Variants in GLB1L3 observed in about 807,000 individuals in gnomAD.
The protein encoded by GLB1L3 is beta-galactosidase-1-like protein 3.
GLB1L3 carries 89 observed loss-of-function variants against 89.5 expected under a neutral mutation model. That is an observed-to-expected ratio of 0.99 (90% confidence interval 0.84 to 1.19). The LOEUF is 1.19. Ranked by LOEUF, GLB1L3 falls within the 50% of genes most tolerant of loss-of-function variation. The pLI is 0.00. For missense variants in GLB1L3, 812 were observed against 813.3 expected, an observed-to-expected ratio of 1.00 and a Z score of 0.02; for synonymous variants, 314 against 312.3, an observed-to-expected ratio of 1.01 and a Z score of -0.06.
intron 5 of GLB1L3, among the ~76,000 whole-genome samples, chr11:134,282,361 C>T (rs1940746100): frequency 6.6e-6 from 1 of 152,046 alleles, no homozygotes; most frequent in Admixed American, 6.6e-5. Context: ...GACGTTGGTC[C>T]TGGGGCCTTG....
intron 6 of GLB1L3, chr11:134,287,116 G>C (rs1261034255): frequency 6.6e-6 from 1 of 152,106 alleles, no homozygotes; most frequent in Non-Finnish European, 1.5e-5. Context: ...AGCCAAGATG[G>C]CGCCACCGCA....
rs374485962 is a variant in GLB1L3, at chr11:134,312,391, A to G, written c.1330A>G (p.Ile444Val). Reference protein sequence around the residue: ...RQPVNMENLPINNGSGQSYGL... With the variant: ...RQPVNMENLPVNNGSGQSYGL... ...GCCCGTCAACATGGAGAACCTTCCC[A>G]TAAACAATGGGAGCGGCCAGTCCTA... Residue 444 changes from isoleucine to valine, a missense_variant, in exon 14 of 20, where the codon ATA becomes GTA. Around this residue, in one of 3 missense-constraint regions of GLB1L3, gnomAD observed 618 missense variants for 604.0 expected, o/e 1.02. Transcript: ENST00000431683. 18 of 1,613,826 alleles carry G rather than the reference A, an allele frequency of 1.1e-5. No homozygotes were observed. In the African/African-American group the frequency reaches 2.3e-4, roughly 20 times the overall value.
chr11:134,278,099 CA>C (rs1424091047), intron 3 of GLB1L3, among the ~76,000 whole-genome samples, 187 bp downstream of exon 3: 1 of 152,102 alleles, frequency 6.6e-6, no homozygotes, highest in African/African-American at 2.4e-5. Context: ...GCTCTGTGAT[CA>C]AAGACTTGGA....
Position 134,277,682 on chromosome 11 carries a change from C to G in GLB1L3, c.150-18C>G. ...CTCTCTCCCTTTCCACTTTCTTTCC[C>G]TCGCCCGCCCCCTCCAGGTTTAATT... On this transcript the variant is annotated intron_variant, in intron 2 of 19. Coordinates refer to ENST00000431683, the MANE Select transcript of GLB1L3 (RefSeq NM_001080407.3). 1 of 1,590,828 alleles carries G rather than the reference C, an allele frequency of 6.3e-7. No individual in the cohort carries two copies. Among genetic ancestry groups the G allele is most frequent in the African/African-American group, 1.3e-5 (1 of 74,386 alleles).
intron 10 of GLB1L3, among the ~76,000 whole-genome samples, chr11:134,308,556 TCACCACCACCAC>T (rs199930926): frequency 5.2e-5 from 3 of 57,518 alleles, no homozygotes; most frequent in African/African-American, 2.9e-4. Flanking sequence ...ACCATCACCA[TCACCACCACCAC>T]CACCATCACC....
rs777482420 is a variant in GLB1L3, at chr11:134,311,112, C to T, written c.1229C>T (p.Pro410Leu). 2 of 1,613,876 alleles carry T rather than the reference C, an allele frequency of 1.2e-6. No homozygotes were observed. The highest frequency in any genetic ancestry group is 1.7e-6 in the Non-Finnish European group (2 of 1,179,848). Residue 410 changes from proline to leucine, a missense_variant, in exon 13 of 20, where the codon CCC becomes CTC. By Grantham distance (98) the Pro-to-Leu change is moderately conservative. Coordinates refer to ENST00000431683, the MANE Select transcript of GLB1L3 (RefSeq NM_001080407.3). Reference protein sequence around the residue: ...VPKLPPKAVYPPVRPSLYLPL... With the variant: ...VPKLPPKAVYLPVRPSLYLPL... ...AAACTTCCTCCCAAGGCTGTGTATC[C>T]CCCCGTGAGACCGTCGCTGTACCTC...
chr11:134,285,749 G>A (rs566063658), intron 6 of GLB1L3, among the ~76,000 whole-genome samples: 15 of 152,262 alleles, frequency 9.9e-5, no homozygotes, highest in African/African-American at 3.6e-4. Flanking sequence ...TCCAGCCTGG[G>A]TGACAGAGCA....
rs192482533 is a variant in GLB1L3 at position 134,312,466 on chromosome 11, G to C, written c.1405G>C (p.Ala469Pro). ...KSICSGGRLR[A>P]HAHDVAQVFL... is the part of the protein sequence containing the mutation. ...CATCTGCTCCGGAGGCCGCCTCCGTGCCCACGCTCATGACGTGGCACAGGT... is the reference window on the plus strand; with the variant it reads ...CATCTGCTCCGGAGGCCGCCTCCGTCCCCACGCTCATGACGTGGCACAGGT... Residue 469 changes from alanine to proline, a missense_variant, in exon 14 of 20, where the codon GCC becomes CCC. By Grantham distance (27) the Ala-to-Pro change is conservative. Around this residue, in one of 3 missense-constraint regions of GLB1L3, gnomAD observed 618 missense variants for 604.0 expected, o/e 1.02. Coordinates refer to ENST00000431683, the MANE Select transcript of GLB1L3 (RefSeq NM_001080407.3). The C allele has an allele frequency of 2.7e-3, 4,354 of 1,612,874 alleles. 18 individuals carry two copies. The highest frequency in any genetic ancestry group is 3.4e-3 in the Non-Finnish European group (4,062 of 1,179,862).
At chr11:134,313,567 G>C in intron 16 of GLB1L3, 93 bp downstream of exon 16, 1 of 1,090,140 alleles carries the variant, frequency 9.2e-7, no homozygotes, top group Non-Finnish European at 1.4e-6. Context: ...GGGGAAACCA[G>C]CCGCTCAGCA....
intron 7 of GLB1L3, among the ~76,000 whole-genome samples, chr11:134,290,246 G>C (rs746987798): frequency 6.7e-6 from 1 of 149,732 alleles, no homozygotes; most frequent in Non-Finnish European, 1.5e-5. Flanking sequence ...TATTTAATCG[G>C]TTGTGTTCAG....
intron 7 of GLB1L3, among the ~76,000 whole-genome samples, chr11:134,289,157 A>G (rs1146196): frequency 0.45 from 69,114 of 152,004 alleles, 16,079 homozygotes; most frequent in Non-Finnish European, 0.49. Flanking sequence ...CAGGTTTTGT[A>G]TATCTATTAT....
chr11:134,298,059 ATTC>A (rs1488306380), intron 9 of GLB1L3, among the ~76,000 whole-genome samples: 2 of 151,184 alleles, frequency 1.3e-5, no homozygotes, highest in African/African-American at 4.9e-5. Context: ...GTCAGTATTA[ATTC>A]TTATCTTTTT....
In GLB1L3 at chr11:134,304,986, G is replaced by A. The variant is rs1441704210; in HGVS notation, c.877-2138G>A. The A allele has an allele frequency of 4.6e-6, 4 of 862,280 alleles. No individual in the cohort carries two copies. In the African/African-American group the frequency reaches 5.1e-5, roughly 11 times the overall value. The allele number at this position is 862,280 out of a possible 1,614,324, so 53.4% of individuals were successfully genotyped here. Reference sequence around the variant, plus strand: ...GGACTCAAGAGAAGTTGCTGTGAGAGCCCGCATGCGACTGCGCTAACAATG... The same window carrying A: ...GGACTCAAGAGAAGTTGCTGTGAGAACCCGCATGCGACTGCGCTAACAATG... On this transcript the variant is annotated intron_variant, in intron 9 of 19. Transcript: ENST00000431683.
In GLB1L3 at chr11:134,288,742, C is replaced by T. The variant is rs1027020170; in HGVS notation, c.637-56C>T. On this transcript the variant is annotated intron_variant, in intron 6 of 19. Coordinates refer to ENST00000431683, the MANE Select transcript of GLB1L3 (RefSeq NM_001080407.3). ...GCCTTCGGCAGCAAGCTCAGAGACTCCAGGCTTTTGCCCCAAATAGCCTCA... is the reference window on the plus strand; with the variant it reads ...GCCTTCGGCAGCAAGCTCAGAGACTTCAGGCTTTTGCCCCAAATAGCCTCA... 3.0e-6 allele frequency: 4 copies of T among 1,328,234 alleles called. No individual in the cohort carries two copies. In the African/African-American group the frequency reaches 5.8e-5, roughly 19 times the overall value. 82.3% of individuals were successfully genotyped at this position (1,328,234 alleles called of 1,614,324 possible).
At chr11:134,286,302 A>G (rs960063127) in intron 6 of GLB1L3, among the ~76,000 whole-genome samples, 1 of 152,216 alleles carries the variant, frequency 6.6e-6, no homozygotes, top group African/African-American at 2.4e-5. Context: ...GTGTTGCTGC[A>G]ATACAGTTTT....
At chr11:134,308,285 TACCAC>T (rs1942374931) in intron 10 of GLB1L3, among the ~76,000 whole-genome samples, 1 of 20,916 alleles carries the variant, frequency 4.8e-5, no homozygotes, top group Non-Finnish European at 9.4e-5. Flanking sequence ...CACCACCAAA[TACCAC>T]CACCACCACC....
chr11:134,305,187 T>C (rs1591572215), intron 9 of GLB1L3: 1 of 1,140,584 alleles, frequency 8.8e-7, no homozygotes, highest in Non-Finnish European at 1.3e-6. Flanking sequence ...ATAGTTCTTA[T>C]CTGTGATTCT....
At chr11:134,308,194 C>T (rs1170906607) in intron 10 of GLB1L3, among the ~76,000 whole-genome samples, 3 of 111,220 alleles carry the variant, frequency 2.7e-5, no homozygotes, top group Non-Finnish European at 5.2e-5. Context: ...CCATCATCAC[C>T]ATCACCACTA....
chr11:134,314,207 A>G (rs949706983), intron 17 of GLB1L3, 123 bp from the exon 18 acceptor site: 24 of 745,194 alleles, frequency 3.2e-5, no homozygotes, highest in Non-Finnish European at 5.0e-5. Flanking sequence ...ATCTTAACGC[A>G]TCTAGTCTAC....
Sources: gnomAD v4.1 joint callset for allele counts (sites outside exome capture counted in the v4.1 genomes callset) on GRCh38, gnomAD v4.1.1 for gene constraint, gnomAD v4.1.1 regional missense constraint, MANE v1.5 for transcripts, NCBI Gene and HGNC (gene_info 2026-07-23, HGNC 2026-07-21) for gene names.